The following PDCD2L variants were observed in gnomAD, a reference collection of about 807,000 sequenced individuals.
The protein encoded by PDCD2L is programmed cell death 2 like, also known as uS5 assembly chaperone PDCD2L.
A neutral mutation model predicts 40.4 loss-of-function variants in PDCD2L; 44 were observed. That is an observed-to-expected ratio of 1.09 (90% CI 0.86 to 1.40). PDCD2L has a LOEUF of 1.40. PDCD2L is among the 40% of genes most tolerant of loss of function. PDCD2L has a pLI of 0.00. For synonymous variants in PDCD2L, 194 were observed against 174.6 expected, an observed-to-expected ratio of 1.11 and a Z score of -0.88; for missense variants, 470 against 453.7, an observed-to-expected ratio of 1.04 and a Z score of -0.33.
intron 6 of PDCD2L, 48 bp from the exon 7 acceptor site, chr19:34,425,942 G>C (rs749380275): frequency 6.3e-7 from 1 of 1,582,308 alleles, no homozygotes; most frequent in Non-Finnish European, 8.6e-7. Flanking sequence ...AGTAACATCA[G>C]TCTCATAACT....
intron 5 of PDCD2L, among the ~76,000 whole-genome samples, chr19:34,419,819 C>G (rs1368025020): frequency 2.0e-5 from 1 of 49,074 alleles, no homozygotes; most frequent in East Asian, 7.0e-4. Context: ...TGTTCTGTTG[C>G]TTGCGTAGGC....
At chr19:34,421,824 T>TCATGCCTGTAA (rs2075152820) in intron 6 of PDCD2L, among the ~76,000 whole-genome samples, 157 bp downstream of exon 6, 1 of 151,932 alleles carries the variant, frequency 6.6e-6, no homozygotes, top group Admixed American at 6.5e-5. Flanking sequence ...GTGTGGTGGC[T>TCATGCCTGTAA]CATGCCTGTA....
At chr19:34,418,704 C>T (rs1371042512) in intron 5 of PDCD2L, among the ~76,000 whole-genome samples, 1 of 152,176 alleles carries the variant, frequency 6.6e-6, no homozygotes, top group Non-Finnish European at 1.5e-5. Flanking sequence ...GGCCAGTTTT[C>T]CAAAGTGGTT....
intron 6 of PDCD2L, among the ~76,000 whole-genome samples, chr19:34,423,332 A>C (rs951632327): frequency 6.6e-6 from 1 of 150,702 alleles, no homozygotes; most frequent in Non-Finnish European, 1.5e-5. Flanking sequence ...ACAGGTGCCC[A>C]CCACCACACC....
chr19:34,414,785 T>C (rs190767300), intron 5 of PDCD2L, among the ~76,000 whole-genome samples: 3 of 152,154 alleles, frequency 2.0e-5, no homozygotes, highest in Admixed American at 2.0e-4. Context: ...TGAGCCACTG[T>C]GCCTGGACTA....
At chr19:34,411,078 C>T (rs11671103) in intron 4 of PDCD2L, among the ~76,000 whole-genome samples, 100,280 of 151,198 alleles carry the variant, frequency 0.66, 36,533 homozygotes, top group Non-Finnish European at 0.82. Context: ...CCACCGCGCC[C>T]GGCAGGATTT....
chr19:34,411,243 C>CT (rs34836648), intron 4 of PDCD2L, among the ~76,000 whole-genome samples: 9,597 of 99,178 alleles, frequency 0.097, 660 homozygotes, highest in East Asian at 0.18. Context: ...TGGTTATGGC[C>CT]TTTTTTTTTT....
intron 4 of PDCD2L, among the ~76,000 whole-genome samples, chr19:34,412,186 A>AT (rs2075107193): frequency 6.6e-6 from 1 of 150,880 alleles, no homozygotes; most frequent in African/African-American, 2.4e-5. Flanking sequence ...TGCCCAGCTA[A>AT]TTTTTGTATT....
Position 34,409,989 on chromosome 19 carries a change from T to TA in PDCD2L, c.686+480dup, listed in dbSNP as rs2075094733. ...TTCTGTAAAATGAGAGTGATGGTGA[T>TA]ATCTCTGTTCTCTGTTTCATCCCAT... is the stretch of plus-strand genomic sequence containing the variant. On this transcript the variant is annotated intron_variant, in intron 4 of 6. Transcript: ENST00000246535. 3.3e-5 allele frequency among the ~76,000 whole-genome samples: 5 copies of TA among 152,344 alleles called. No individual in the cohort carries two copies. In the South Asian group the frequency reaches 1.0e-3, roughly 32 times the overall value.
At chr19:34,417,342 G>T (rs1297504327) in intron 5 of PDCD2L, among the ~76,000 whole-genome samples, 1 of 152,164 alleles carries the variant, frequency 6.6e-6, no homozygotes, top group Non-Finnish European at 1.5e-5. Flanking sequence ...GGGTGTGGTG[G>T]CTTAAGCCTG....
chr19:34,417,631 T>G (rs2075131984), intron 5 of PDCD2L, among the ~76,000 whole-genome samples: 1 of 150,752 alleles, frequency 6.6e-6, no homozygotes, highest in African/African-American at 2.4e-5. Context: ...AAAAAAAAGT[T>G]AAGGAACATA....
intron 3 of PDCD2L, among the ~76,000 whole-genome samples, chr19:34,407,371 C>A (rs2075081581): frequency 6.6e-6 from 1 of 150,524 alleles, no homozygotes; most frequent in Admixed American, 6.6e-5. Context: ...GATCTCTTTA[C>A]CTCGTGATCC....
intron 5 of PDCD2L, among the ~76,000 whole-genome samples, chr19:34,418,408 T>G (rs1388084573): frequency 2.2e-4 from 34 of 152,192 alleles, no homozygotes; most frequent in Non-Finnish European, 4.9e-4. Flanking sequence ...TTTTTTGGTC[T>G]GGTTTTATTC....
intron 5 of PDCD2L, among the ~76,000 whole-genome samples, chr19:34,419,955 G>A (rs940916486): frequency 6.6e-6 from 1 of 150,396 alleles, no homozygotes; most frequent in Non-Finnish European, 1.5e-5. Context: ...GCTAATTTTT[G>A]TATTATTACA....
intron 5 of PDCD2L, 113 bp downstream of exon 5, chr19:34,413,960 C>T (rs2075115850): frequency 1.5e-6 from 1 of 653,544 alleles, no homozygotes; most frequent in Admixed American, 2.9e-5. Context: ...ATTCCCCAAA[C>T]CAAGAGAGAA....
chr19:34,421,167 G>C (rs1447107527), intron 5 of PDCD2L, among the ~76,000 whole-genome samples: 1 of 152,108 alleles, frequency 6.6e-6, no homozygotes, highest in African/African-American at 2.4e-5. Flanking sequence ...TCCATGGCCT[G>C]GGGGTCCATG....
chr19:34,423,082 A>G (rs2075160065), intron 6 of PDCD2L, among the ~76,000 whole-genome samples: 1 of 152,148 alleles, frequency 6.6e-6, no homozygotes, highest in Non-Finnish European at 1.5e-5. Flanking sequence ...TTCTGCTATT[A>G]ACAGAAAATA....
At position 34,421,591 on chromosome 19, in the gene PDCD2L, C is replaced by G. The variant is rs781292726; in HGVS notation, c.870C>G (p.Ser290Arg). The G allele has an allele frequency of 6.2e-7, 1 of 1,613,526 alleles. No individual in the cohort carries two copies. Among genetic ancestry groups the G allele is most frequent in the South Asian group, 1.1e-5 (1 of 91,074 alleles). The change falls in exon 6 of 7, where the codon AGC becomes AGG. Residue 290 changes from serine to arginine, a missense_variant. Transcript: ENST00000246535. ...TSEVTELPAC[S>R]QCGGQRIFEF... is the part of the protein sequence containing the mutation. ...AAGTCACCGAGCTCCCAGCCTGCAG[C>G]CAGTGTGGAGGCCAAAGGATATTTG...
chr19:34,411,349 C>T (rs2075102535), intron 4 of PDCD2L, among the ~76,000 whole-genome samples: 1 of 151,322 alleles, frequency 6.6e-6, no homozygotes, highest in Admixed American at 6.6e-5. Flanking sequence ...AAGCAGCTCT[C>T]ATGTCTCAGC....
Sources: gnomAD v4.1 joint callset for allele counts (sites outside exome capture counted in the v4.1 genomes callset) on GRCh38, gnomAD v4.1.1 for gene constraint, MANE v1.5 for transcripts, NCBI Gene and HGNC (gene_info 2026-07-23, HGNC 2026-07-21) for gene names.